Variants in ZNF780A observed in about 807,000 individuals in gnomAD.
The protein encoded by ZNF780A is zinc finger protein 780A.
Under a neutral mutation model 56.7 loss-of-function variants are expected in ZNF780A, and 40 were observed. That is an observed-to-expected ratio of 0.71 (90% CI 0.55 to 0.92). The LOEUF (loss-of-function observed/expected upper bound fraction) is 0.92, where lower values mean the gene tolerates loss of function less well. Ranked by LOEUF, ZNF780A falls within the 40% of genes least tolerant of loss-of-function variation. The pLI is 0.00. For synonymous variants in ZNF780A, 231 were observed against 248.3 expected (o/e 0.93, Z 0.66); for missense variants, 672 against 783.3 (o/e 0.86, Z 1.70).
chr19:40,088,238 TGA>T (rs1172077824), intron 2 of ZNF780A, among the ~76,000 whole-genome samples: 1 of 152,030 alleles, frequency 6.6e-6, no homozygotes, highest in Admixed American at 6.6e-5. Flanking sequence ...TCTTGTAGAA[TGA>T]GAGAAAATAT....
intron 2 of ZNF780A, chr19:40,085,287 C>T: frequency 1.0e-6 from 1 of 985,436 alleles, no homozygotes; most frequent in Non-Finnish European, 1.2e-6. Flanking sequence ...GCAGTGTTTG[C>T]ACCAAATTGC....
chr19:40,074,057 G>T lies in ZNF780A; in HGVS notation c.*459C>A. ...TATGAATTCTTTGATGTGCAGTCAG[G>T]ACCAAACTAAATCTGAAAGTTTTCC... is the stretch of plus-strand genomic sequence containing the variant. On this transcript the variant is annotated 3_prime_UTR_variant, in exon 6 of 6. Transcript: ENST00000683561. 8.0e-7 allele frequency: 1 copy of T among 1,244,590 alleles called. No individual in the cohort carries two copies. Among genetic ancestry groups the T allele is most frequent in the Non-Finnish European group, 1.0e-6 (1 of 973,942 alleles). 77.1% of individuals were successfully genotyped at this position (1,244,590 alleles called of 1,614,324 possible). A position where few individuals can be genotyped will look rare whatever the true frequency, so the allele number is the denominator to read the frequency against.
In ZNF780A at chr19:40,073,467, T is replaced by G. The variant is rs1395396784; in HGVS notation, c.*1049A>C. 9.4e-6 allele frequency: 9 copies of G among 959,178 alleles called. No individual in the cohort carries two copies. In the East Asian group the frequency reaches 9.2e-4, roughly 98 times the overall value. The allele number at this position is 959,178 out of a possible 1,614,324, so 59.4% of individuals were successfully genotyped here. ...CTGATCGTCTTGCTCACCACAGGGTTGCCACAAACCTTCAGTTTGTATAAA... is the reference window on the plus strand; with the variant it reads ...CTGATCGTCTTGCTCACCACAGGGTGGCCACAAACCTTCAGTTTGTATAAA... On this transcript the variant is annotated 3_prime_UTR_variant, in exon 6 of 6. Coordinates refer to ENST00000683561, the MANE Select transcript of ZNF780A (RefSeq NM_001142578.2).
rs745698370 is a variant in ZNF780A at position 40,084,592 on chromosome 19, C to CT, written c.9+152dup. Among the ~76,000 whole-genome samples the CT allele has an allele frequency of 3.8e-3, 543 of 144,426 alleles. 3 individuals carry two copies. Among genetic ancestry groups the CT allele is most frequent in the East Asian group, 0.014 (70 of 4,972 alleles). 94.7% of individuals were successfully genotyped at this position (144,426 alleles called of 152,430 possible). A position where few individuals can be genotyped will look rare whatever the true frequency, so the allele number is the denominator to read the frequency against. On this transcript the variant is annotated intron_variant, in intron 3 of 5. Coordinates refer to ENST00000683561, the MANE Select transcript of ZNF780A (RefSeq NM_001142578.2). ...GAGGTACAAATAGGAAGAGCAGTGA[C>CT]TTTTTTTTTTTTTGTCACCAACCTT...
Position 40,075,549 on chromosome 19 carries a change from A to C in ZNF780A, c.893T>G (p.Ile298Ser). The C allele has an allele frequency of 6.2e-7, 1 of 1,613,136 alleles. No individual in the cohort carries two copies. The highest frequency in any genetic ancestry group is 8.5e-7 in the Non-Finnish European group (1 of 1,179,758). ...TACAAAGGGTTTCTCATTGGAATGA[A>C]TTTTCTGATGCTGAATAAGGTGTGC... ...RGAHLIQHQK[I>S]HSNEKPFVCK... is the part of the protein sequence containing the mutation. The change falls in exon 6 of 6, where the codon ATT (isoleucine) becomes AGT (serine). Residue 298 changes from isoleucine to serine, a missense_variant. Physicochemically the swap from Ile to Ser is moderately radical, Grantham distance 142. Coordinates refer to ENST00000683561, the MANE Select transcript of ZNF780A (RefSeq NM_001142578.2).
chr19:40,073,818 A>T lies in ZNF780A; in HGVS notation c.*698T>A. On this transcript the variant is annotated 3_prime_UTR_variant, in exon 6 of 6. Coordinates refer to ENST00000683561, the MANE Select transcript of ZNF780A (RefSeq NM_001142578.2). ...GGTGTTGAGTAAATTTTTCGTACAC[A>T]GTGAAGGCTTGTCCACACTCCTTAT... The T allele has an allele frequency of 1.0e-6, 1 of 989,602 alleles. No homozygotes were observed. The highest frequency in any genetic ancestry group is 1.2e-6 in the Non-Finnish European group (1 of 832,510). The allele number at this position is 989,602 out of a possible 1,614,324, so 61.3% of individuals were successfully genotyped here. A position where few individuals can be genotyped will look rare whatever the true frequency, so the allele number is the denominator to read the frequency against.
At chr19:40,087,856 T>C (rs1974901430) in intron 2 of ZNF780A, among the ~76,000 whole-genome samples, 1 of 152,092 alleles carries the variant, frequency 6.6e-6, no homozygotes, top group Non-Finnish European at 1.5e-5. Context: ...AATAAATCCA[T>C]ATATTTATAA....
chr19:40,076,316 T>C lies in ZNF780A; in HGVS notation c.233-107A>G. 6.8e-6 allele frequency: 8 copies of C among 1,175,564 alleles called. No individual in the cohort carries two copies. The East Asian group carries it at 1.6e-4, about 23-fold the overall frequency. The allele number at this position is 1,175,564 out of a possible 1,614,324, so 72.8% of individuals were successfully genotyped here. Reference sequence around the variant, plus strand: ...TCAATTCAAACCAATAAAACCTTTATTGATTTTATTAGCCAAAACCAACAA... The same window carrying C: ...TCAATTCAAACCAATAAAACCTTTACTGATTTTATTAGCCAAAACCAACAA... On this transcript the variant is annotated intron_variant, in intron 5 of 5. Transcript: ENST00000683561.
chr19:40,085,725 C>G (rs1974756095), intron 2 of ZNF780A, among the ~76,000 whole-genome samples: 1 of 151,868 alleles, frequency 6.6e-6, no homozygotes, highest in South Asian at 2.1e-4. Context: ...ACTAAAAATA[C>G]AAAAATTAGC....
In ZNF780A at chr19:40,083,284, T is replaced by C. The variant is rs759722763; in HGVS notation, c.10-47A>G. ...TAATGGTGAAACTGAAGAAAGTTGT[T>C]TTAAGATGAAAGGAGAGGAAGTGAA... On this transcript the variant is annotated intron_variant, in intron 3 of 5. Coordinates refer to ENST00000683561, the MANE Select transcript of ZNF780A (RefSeq NM_001142578.2). The C allele has an allele frequency of 7.5e-6, 12 of 1,607,802 alleles. No homozygotes were observed. The African/African-American group carries it at 1.6e-4, about 22-fold the overall frequency.
chr19:40,076,325 T>C (rs929068909), intron 5 of ZNF780A, 116 bp from the exon 6 acceptor site: 2 of 1,129,476 alleles, frequency 1.8e-6, no homozygotes, highest in African/African-American at 3.2e-5. Flanking sequence ...ATTGATTTTA[T>C]TAGCCAAAAC....
chr19:40,090,630 A>T (rs1975112131), intron 1 of ZNF780A: 1 of 152,344 alleles, frequency 6.6e-6, no homozygotes, highest in Non-Finnish European at 1.5e-5. Flanking sequence ...CACTCAGCAA[A>T]GTGCGCTGCG....
rs1177347865 is a variant in ZNF780A at position 40,074,962 on chromosome 19, T to C, written c.1480A>G (p.Ile494Val). Residue 494 changes from isoleucine (I) to valine (V), a missense_variant, in exon 6 of 6, where the codon ATT (isoleucine) becomes GTT (valine). Coordinates refer to ENST00000683561, the MANE Select transcript of ZNF780A (RefSeq NM_001142578.2). ...RGSSLVQHQS[I>V]HTGEKPYECK... Reference sequence around the variant, plus strand: ...TCATAGGGCTTCTCACCAGTGTGAATACTCTGATGTTGAACAAGGCTTGAG... The same window carrying C: ...TCATAGGGCTTCTCACCAGTGTGAACACTCTGATGTTGAACAAGGCTTGAG... The C allele has an allele frequency of 3.7e-6, 6 of 1,614,092 alleles. No individual in the cohort carries two copies. Among genetic ancestry groups the C allele is most frequent in the Non-Finnish European group, 5.1e-6 (6 of 1,180,040 alleles).
intron 5 of ZNF780A, among the ~76,000 whole-genome samples, chr19:40,081,065 G>A (rs980324176): frequency 2.6e-5 from 4 of 151,996 alleles, no homozygotes; most frequent in African/African-American, 9.7e-5. Flanking sequence ...CAAAAGCATA[G>A]GCGGCAAAAA....
At chr19:40,082,724 T>C (rs1214066545) in intron 4 of ZNF780A, among the ~76,000 whole-genome samples, 1 of 152,144 alleles carries the variant, frequency 6.6e-6, no homozygotes, top group Non-Finnish European at 1.5e-5. Flanking sequence ...CAAGACACTC[T>C]TCTCCTTACA....
chr19:40,072,151 G>A (rs528817292), downstream of ZNF780A: 17 of 240,126 alleles, frequency 7.1e-5, no homozygotes, highest in South Asian at 6.9e-4. Context: ...AATCTACCGC[G>A]GACCCCTGGA....
Position 40,074,042 on chromosome 19 carries a change from TTGA to T in ZNF780A, c.*471_*473del. 8.3e-7 allele frequency: 1 copy of T among 1,207,976 alleles called. No individual in the cohort carries two copies. The highest frequency in any genetic ancestry group is 1.0e-6 in the Non-Finnish European group (1 of 953,596). The allele number at this position is 1,207,976 out of a possible 1,614,324, so 74.8% of individuals were successfully genotyped here. ...AGGGTTTCATACCAGTATGAATTCT[TTGA>T]TGTGCAGTCAGGACCAAACTAAATC... On this transcript the variant is annotated 3_prime_UTR_variant, in exon 6 of 6. Transcript: ENST00000683561.
intron 2 of ZNF780A, among the ~76,000 whole-genome samples, chr19:40,085,876 A>T (rs1974763905): frequency 6.6e-6 from 1 of 151,846 alleles, no homozygotes; most frequent in African/African-American, 2.4e-5. Context: ...GAGCCTTCAT[A>T]TAAAAAAAAA....
rs142555241 is a variant in ZNF780A, at chr19:40,087,382, C to CA, written c.-45-2585dup. ...ATCTAAGTAGCACCCTCCCCGACAG[C>CA]ATGACAACCGAAAGTTTCTAAACAT... On this transcript the variant is annotated intron_variant, in intron 2 of 5. Transcript: ENST00000683561. 6.6e-3 allele frequency among the ~76,000 whole-genome samples: 1,012 copies of CA among 152,290 alleles called. 5 individuals are homozygous for CA. The highest frequency in any genetic ancestry group is 0.012 in the Non-Finnish European group (792 of 68,028).
Sources: allele counts gnomAD v4.1 joint callset (sites outside exome capture counted in the v4.1 genomes callset), GRCh38; gene constraint gnomAD v4.1.1; transcripts MANE v1.5; gene names NCBI Gene and HGNC (gene_info 2026-07-23, HGNC 2026-07-21).